Variants in WWOX observed in about 807,000 individuals in gnomAD.
WWOX encodes WW domain-containing oxidoreductase.
A neutral mutation model predicts 46.2 loss-of-function variants in WWOX; 69 were observed. That is an observed-to-expected ratio of 1.49 (90% CI 1.23 to 1.82). The LOEUF (loss-of-function observed/expected upper bound fraction) is 1.82, where lower values mean the gene tolerates loss of function less well. Among genes scored for constraint, WWOX ranks in the 40% most tolerant of loss-of-function variants. The probability of loss-of-function intolerance (pLI) is 0.00; values close to 1 mark genes in which losing one functional copy is unlikely to be tolerated. For synonymous variants in WWOX, 359 were observed against 202.6 expected, an observed-to-expected ratio of 1.77 and a Z score of -6.56; for missense variants, 919 against 542.6, an observed-to-expected ratio of 1.69 and a Z score of -6.89.
intron 8 of WWOX, among the ~76,000 whole-genome samples, chr16:78,923,102 C>A: frequency 6.6e-6 from 1 of 151,794 alleles, no homozygotes; most frequent in African/African-American, 2.4e-5. Context: ...CTGCCTCAGC[C>A]TTGCGAGTAG....
chr16:78,965,456 G>C (rs2046347212), intron 8 of WWOX, among the ~76,000 whole-genome samples: 1 of 151,926 alleles, frequency 6.6e-6, no homozygotes, highest in Admixed American at 6.6e-5. Context: ...TGTAATCCCA[G>C]CTACTTGGGA....
At chr16:78,714,949 A>G (rs2048527555) in intron 8 of WWOX, among the ~76,000 whole-genome samples, 1 of 152,160 alleles carries the variant, frequency 6.6e-6, no homozygotes, top group South Asian at 2.1e-4. Flanking sequence ...TTGTGATATA[A>G]TATCATGCGG....
intron 8 of WWOX, chr16:78,898,855 C>G (rs755249050): frequency 3.3e-5 from 5 of 152,062 alleles, no homozygotes; most frequent in Admixed American, 6.6e-5. Flanking sequence ...AACTCTTACA[C>G]ATTTGATTTT....
In WWOX at chr16:78,560,371, G is replaced by A. The variant is rs28657500; in HGVS notation, c.1056+127619G>A. On this transcript the variant is annotated intron_variant, in intron 8 of 8. Transcript: ENST00000566780. ...AAGAATAACATTAGTGGCCAGGTGC[G>A]GTGGCTCACGCCTGTAATCCCAGCA... Among the ~76,000 whole-genome samples the A allele has an allele frequency of 4.8e-4, 73 of 152,252 alleles. 1 individual carries two copies. The highest frequency in any genetic ancestry group is 1.6e-3 in the African/African-American group (68 of 41,542).
At chr16:79,119,835 C>T (rs775350698) in intron 8 of WWOX, among the ~76,000 whole-genome samples, 5 of 152,214 alleles carry the variant, frequency 3.3e-5, no homozygotes, top group African/African-American at 1.2e-4. Context: ...GAGAAGAGAC[C>T]CAGAGCCAGC....
At chr16:78,438,626 G>T (rs977125090) in intron 8 of WWOX, among the ~76,000 whole-genome samples, 1 of 152,176 alleles carries the variant, frequency 6.6e-6, no homozygotes, top group African/African-American at 2.4e-5. Context: ...GCAGATAACA[G>T]TAGAAAGAAT....
intron 8 of WWOX, among the ~76,000 whole-genome samples, chr16:78,510,782 C>T (rs1442799955): frequency 6.6e-6 from 1 of 152,192 alleles, no homozygotes; most frequent in East Asian, 1.9e-4. Flanking sequence ...TTCATTTTGG[C>T]AGGAGTGTTT....
At chr16:78,620,104 T>C (rs2151642525) in intron 8 of WWOX, among the ~76,000 whole-genome samples, 1 of 152,282 alleles carries the variant, frequency 6.6e-6, no homozygotes, top group African/African-American at 2.4e-5. Context: ...GGACAGTATT[T>C]GGCACACAGT....
intron 5 of WWOX, among the ~76,000 whole-genome samples, chr16:78,261,285 A>ACATG (rs1160115610): frequency 6.7e-5 from 10 of 148,780 alleles, no homozygotes; most frequent in Admixed American, 6.6e-4. Context: ...ATAGATAGAT[A>ACATG]CATACATACA....
chr16:78,453,234 GC>G (rs1408241275), intron 8 of WWOX, among the ~76,000 whole-genome samples: 2 of 151,750 alleles, frequency 1.3e-5, no homozygotes, highest in Non-Finnish European at 2.9e-5. Flanking sequence ...TAATAGCCTG[GC>G]CAATATGGTG....
intron 8 of WWOX, among the ~76,000 whole-genome samples, chr16:78,779,536 G>A (rs2050274268): frequency 6.6e-6 from 1 of 152,138 alleles, no homozygotes; most frequent in African/African-American, 2.4e-5. Flanking sequence ...CTCTGTCCAA[G>A]GCATTGTGCT....
In WWOX at chr16:79,031,416, C is replaced by A. The variant is rs530020881; in HGVS notation, c.1057-180192C>A. Among the ~76,000 whole-genome samples, 8 of 113,378 alleles carry A rather than the reference C, an allele frequency of 7.1e-5. No individual in the cohort carries two copies. The South Asian group carries it at 1.9e-3, about 27-fold the overall frequency. 74.4% of individuals were successfully genotyped at this position (113,378 alleles called of 152,430 possible). A position where few individuals can be genotyped will look rare whatever the true frequency, so the allele number is the denominator to read the frequency against. On this transcript the variant is annotated intron_variant, in intron 8 of 8. Transcript: ENST00000566780. ...TCTCGAGTTGGTTTGCAAAGTGAAA[C>A]GCATTAGACATCTTCAAGTGGGCTG...
At chr16:78,151,410 C>T (rs1007379478) in intron 4 of WWOX, among the ~76,000 whole-genome samples, 1 of 152,074 alleles carries the variant, frequency 6.6e-6, no homozygotes, top group South Asian at 2.1e-4. Context: ...AGTGGTTTTT[C>T]TCTTACATGA....
rs907965211 is a variant in WWOX at position 78,603,509 on chromosome 16, A to G, written c.1056+170757A>G. ...CAGGAGTTCGAGACCAGCCTGGCCA[A>G]CATGGTGAAACCCCATCTCACCTAA... On this transcript the variant is annotated intron_variant, in intron 8 of 8. Coordinates refer to ENST00000566780, the MANE Select transcript of WWOX (RefSeq NM_016373.4). Among the ~76,000 whole-genome samples, 4 of 152,184 alleles carry G rather than the reference A, an allele frequency of 2.6e-5. No homozygotes were observed. In the South Asian group the frequency reaches 6.2e-4, roughly 24 times the overall value.
chr16:79,022,914 T>C (rs895481949), intron 8 of WWOX, among the ~76,000 whole-genome samples: 15 of 152,240 alleles, frequency 9.9e-5, no homozygotes, highest in African/African-American at 3.4e-4. Context: ...AGCATCAGTT[T>C]ACTCAGCTGA....
At chr16:78,699,385 A>T (rs983742647) in intron 8 of WWOX, among the ~76,000 whole-genome samples, 2 of 152,018 alleles carry the variant, frequency 1.3e-5, no homozygotes, top group Non-Finnish European at 2.9e-5. Flanking sequence ...AAAAAAAAAA[A>T]AAAATTAGCC....
chr16:78,489,799 C>T (rs571359734), intron 8 of WWOX, among the ~76,000 whole-genome samples: 1 of 152,234 alleles, frequency 6.6e-6, no homozygotes, highest in African/African-American at 2.4e-5. Context: ...TCTGGGACCA[C>T]AGTTCCGGCT....
intron 5 of WWOX, among the ~76,000 whole-genome samples, chr16:78,248,878 T>A (rs185028974): frequency 1.3e-5 from 2 of 149,234 alleles, no homozygotes; most frequent in East Asian, 2.0e-4. Context: ...TTTTTTTTTT[T>A]TTTTTTTGAG....
At chr16:78,317,570 T>G (rs914411155) in intron 5 of WWOX, among the ~76,000 whole-genome samples, 18 of 152,138 alleles carry the variant, frequency 1.2e-4, no homozygotes, top group South Asian at 2.1e-4. Context: ...TTCCAGAACC[T>G]GAGAGTGTGT....
Sources: gnomAD v4.1 joint callset for allele counts (sites outside exome capture counted in the v4.1 genomes callset) on GRCh38, gnomAD v4.1.1 for gene constraint, MANE v1.5 for transcripts, NCBI Gene and HGNC (gene_info 2026-07-23, HGNC 2026-07-21) for gene names.